The following BCAT1 variants were observed in gnomAD, a reference collection of about 807,000 sequenced individuals.
The protein encoded by BCAT1 is branched-chain-amino-acid aminotransferase, cytosolic.
Under a neutral mutation model 52.4 loss-of-function variants are expected in BCAT1, and 48 were observed. That is an observed-to-expected ratio of 0.92 (90% CI 0.73 to 1.16). The LOEUF (loss-of-function observed/expected upper bound fraction) is 1.16, where lower values mean the gene tolerates loss of function less well. Among genes scored for constraint, BCAT1 ranks in the 50% most tolerant of loss-of-function variants. BCAT1 has a pLI of 0.00. For synonymous variants in BCAT1, 167 were observed against 161.3 expected (o/e 1.04, Z -0.27); for missense variants, 451 against 457.1 (o/e 0.99, Z 0.12).
intron 5 of BCAT1, among the ~76,000 whole-genome samples, chr12:24,862,285 G>A (rs1257408246): frequency 6.6e-6 from 1 of 152,102 alleles, no homozygotes. Context: ...GTCTAGACTG[G>A]TATCCCTTTC....
intron 9 of BCAT1, among the ~76,000 whole-genome samples, chr12:24,830,996 G>A (rs939664489): frequency 6.6e-6 from 1 of 152,124 alleles, no homozygotes; most frequent in Non-Finnish European, 1.5e-5. Flanking sequence ...AGTGGAGTTT[G>A]CATTTACGGT....
At chr12:24,890,861 A>G (rs940688203) in intron 3 of BCAT1, among the ~76,000 whole-genome samples, 1 of 152,106 alleles carries the variant, frequency 6.6e-6, no homozygotes, top group African/African-American at 2.4e-5. Context: ...GACTCTCCCC[A>G]AATTCTTTCT....
At chr12:24,829,028 TAAA>T (rs1940528516) in intron 10 of BCAT1, among the ~76,000 whole-genome samples, 1 of 18,272 alleles carries the variant, frequency 5.5e-5, no homozygotes, top group South Asian at 2.9e-3. Flanking sequence ...AGTAAATAAA[TAAA>T]TAAATAAATA....
chr12:24,895,642 G>A (rs1251148897), intron 2 of BCAT1, among the ~76,000 whole-genome samples: 1 of 152,108 alleles, frequency 6.6e-6, no homozygotes, highest in Non-Finnish European at 1.5e-5. Context: ...AACAGGTTGT[G>A]AAGGGATGTC....
chr12:24,898,520 CTTTT>C (rs71448094), intron 2 of BCAT1, among the ~76,000 whole-genome samples: 5 of 38,534 alleles, frequency 1.3e-4, no homozygotes, highest in African/African-American at 2.1e-4. Context: ...TCAGTCAACA[CTTTT>C]TTTTTTTTTT....
At chr12:24,887,074 A>AAAT (rs1555111575) in intron 3 of BCAT1, among the ~76,000 whole-genome samples, 2 of 95,068 alleles carry the variant, frequency 2.1e-5, no homozygotes, top group Non-Finnish European at 4.3e-5. Context: ...AAAAAAAAAA[A>AAAT]AAAAAAATAT....
intron 1 of BCAT1, among the ~76,000 whole-genome samples, chr12:24,927,894 A>C (rs1943616660): frequency 6.6e-6 from 1 of 152,190 alleles, no homozygotes; most frequent in South Asian, 2.1e-4. Context: ...TACCATCCCT[A>C]TCTGGAGAAG....
At chr12:24,869,713 G>C (rs1337338987) in intron 5 of BCAT1, among the ~76,000 whole-genome samples, 1 of 152,176 alleles carries the variant, frequency 6.6e-6, no homozygotes, top group Non-Finnish European at 1.5e-5. Flanking sequence ...ACATAAAGAA[G>C]GAAGTGCTAT....
In BCAT1 at chr12:24,935,660, A is replaced by G. The variant is rs560526434; in HGVS notation, c.6+13267T>C. 2.0e-5 allele frequency among the ~76,000 whole-genome samples: 3 copies of G among 152,276 alleles called. No homozygotes were observed. The East Asian group carries it at 5.8e-4, about 29-fold the overall frequency. ...CCTTTTTCTTAACAGTTCCTACCTC[A>G]ATTTATCCCTTTTTCTCGGGCATTT... On this transcript the variant is annotated intron_variant, in intron 1 of 10. Coordinates refer to ENST00000261192, the MANE Select transcript of BCAT1 (RefSeq NM_005504.7).
chr12:24,902,563 T>G, intron 1 of BCAT1: 5 of 477,602 alleles, frequency 1.0e-5, no homozygotes, highest in Non-Finnish European at 9.1e-6. Context: ...GCGGTCAAAA[T>G]ATTTTGGGGT....
At chr12:24,928,154 A>G (rs572163143) in intron 1 of BCAT1, among the ~76,000 whole-genome samples, 5 of 152,346 alleles carry the variant, frequency 3.3e-5, no homozygotes, top group Middle Eastern at 3.4e-3. Context: ...AGTACTGGAA[A>G]CTGAGTCACA....
At chr12:24,878,437 G>A in intron 5 of BCAT1, 93 bp downstream of exon 5, 1 of 1,171,346 alleles carries the variant, frequency 8.5e-7, no homozygotes, top group East Asian at 2.7e-5. Context: ...CTACTGGGGG[G>A]CTACTGCAAA....
intron 4 of BCAT1, among the ~76,000 whole-genome samples, chr12:24,880,730 T>C (rs1942467107): frequency 6.6e-6 from 1 of 152,210 alleles, no homozygotes; most frequent in African/African-American, 2.4e-5. Flanking sequence ...TTGAGATACA[T>C]TTTTCTTCCT....
At chr12:24,877,974 T>A (rs186126166) in intron 5 of BCAT1, among the ~76,000 whole-genome samples, 4 of 151,984 alleles carry the variant, frequency 2.6e-5, no homozygotes, top group Admixed American at 2.0e-4. Flanking sequence ...GACAACAGAG[T>A]GAGACATCAT....
chr12:24,892,808 G>A (rs766417669), intron 3 of BCAT1, among the ~76,000 whole-genome samples: 1 of 152,136 alleles, frequency 6.6e-6, no homozygotes, highest in Admixed American at 6.5e-5. Flanking sequence ...AGCCACGATC[G>A]TGCCACTGCA....
chr12:24,843,756 A>C (rs1244164221), intron 6 of BCAT1, among the ~76,000 whole-genome samples: 1 of 152,062 alleles, frequency 6.6e-6, no homozygotes, highest in Non-Finnish European at 1.5e-5. Flanking sequence ...CCCTACCACA[A>C]CTGATGACAA....
chr12:24,901,979 C>G (rs1271682741), intron 1 of BCAT1, 94 bp from the exon 2 acceptor site: 1 of 1,607,852 alleles, frequency 6.2e-7, no homozygotes, highest in Admixed American at 1.7e-5. Context: ...ACCGTGCGCT[C>G]CTCTCCAGGA....
rs532815903 is a variant in BCAT1, at chr12:24,909,609, G to A, written c.7-7724C>T. On this transcript the variant is annotated intron_variant, in intron 1 of 10. Coordinates refer to ENST00000261192, the MANE Select transcript of BCAT1 (RefSeq NM_005504.7). ...TCCTACCTTTCTTCTTCTAGCTTCT[G>A]GTAACCCAGGTGTTTCTTGGCTTGC... Among the ~76,000 whole-genome samples, 12 of 152,232 alleles carry A rather than the reference G, an allele frequency of 7.9e-5. No homozygotes were observed. The South Asian group carries it at 2.5e-3, about 32-fold the overall frequency.
chr12:24,882,372 C>T (rs182030327), intron 3 of BCAT1, among the ~76,000 whole-genome samples: 1 of 151,868 alleles, frequency 6.6e-6, no homozygotes, highest in Non-Finnish European at 1.5e-5. Context: ...AAGATGTATA[C>T]CCTAAAAACT....
Sources: gnomAD v4.1 joint callset for allele counts (sites outside exome capture counted in the v4.1 genomes callset) on GRCh38, gnomAD v4.1.1 for gene constraint, MANE v1.5 for transcripts, NCBI Gene and HGNC (gene_info 2026-07-23, HGNC 2026-07-21) for gene names.